The following BRD10 variants were observed in gnomAD, a reference collection of about 807,000 sequenced individuals.
BRD10 encodes the protein uncharacterized bromodomain-containing protein 10.
the BRD10 span, among the ~76,000 whole-genome samples, chr9:5,951,755 G>T: frequency 2.3e-4 from 35 of 152,132 alleles, no homozygotes; most frequent in East Asian, 6.2e-3. Flanking sequence ...GCATTTAACA[G>T]CAAAGTTTAC....
At chr9:5,895,325 G>T in the BRD10 span, among the ~76,000 whole-genome samples, 3 of 151,918 alleles carry the variant, frequency 2.0e-5, no homozygotes, top group East Asian at 5.8e-4. Flanking sequence ...AAAAGTCCCT[G>T]CCCCCATTGC....
chr9:5,935,707 A>C, the BRD10 span, among the ~76,000 whole-genome samples: 2 of 152,240 alleles, frequency 1.3e-5, no homozygotes, highest in Non-Finnish European at 2.9e-5. Context: ...GGGCATAAAA[A>C]GTTCCAAGTA....
At chr9:5,968,029 C>A in the BRD10 span, 3 of 1,514,866 alleles carry the variant, frequency 2.0e-6, no homozygotes, top group African/African-American at 2.8e-5. Flanking sequence ...CAGATTTGTG[C>A]TTCTTGTGTT....
the BRD10 span, among the ~76,000 whole-genome samples, chr9:5,991,938 C>G: frequency 6.6e-6 from 1 of 152,122 alleles, no homozygotes; most frequent in East Asian, 1.9e-4. Flanking sequence ...CTCAGTCATA[C>G]CAACACAACT....
At chr9:5,993,406 C>A in the BRD10 span, among the ~76,000 whole-genome samples, 1 of 151,262 alleles carries the variant, frequency 6.6e-6, no homozygotes, top group Non-Finnish European at 1.5e-5. Context: ...CAACTTTAGC[C>A]CTAAGGGTCC....
chr9:5,960,662 T>A, the BRD10 span, among the ~76,000 whole-genome samples: 1 of 152,196 alleles, frequency 6.6e-6, no homozygotes, highest in Non-Finnish European at 1.5e-5. Context: ...CACCATAAGC[T>A]TTTTGTAACT....
the BRD10 span, among the ~76,000 whole-genome samples, chr9:5,963,721 A>T: frequency 5.3e-4 from 81 of 152,172 alleles, no homozygotes; most frequent in Admixed American, 3.3e-4. Flanking sequence ...AGATCCATGG[A>T]ACAGAACAGA....
chr9:5,893,244 T>C, the BRD10 span, among the ~76,000 whole-genome samples: 22 of 152,272 alleles, frequency 1.4e-4, no homozygotes, highest in African/African-American at 5.3e-4. Flanking sequence ...TGCAGGGACA[T>C]ACTCTGTATG....
At chr9:5,906,628 C>G in the BRD10 span, among the ~76,000 whole-genome samples, 13 of 152,316 alleles carry the variant, frequency 8.5e-5, no homozygotes, top group Admixed American at 3.3e-4. Context: ...CTTTGACCAA[C>G]TATTGGGTCC....
chr9:5,919,583 C>CACACACACACA, the BRD10 span: 6 of 1,025,316 alleles, frequency 5.9e-6, no homozygotes, highest in African/African-American at 1.6e-5. Flanking sequence ...CACACACACA[C>CACACACACACA]AATGTATAGT....
At chr9:5,919,741 A>G in the BRD10 span, 3 of 1,613,468 alleles carry the variant, frequency 1.9e-6, no homozygotes, top group Non-Finnish European at 2.5e-6. Flanking sequence ...CAGGGAAGAC[A>G]GACGCAGGAC....
At chr9:5,881,351 T>C in the BRD10 span, among the ~76,000 whole-genome samples, 5 of 152,164 alleles carry the variant, frequency 3.3e-5, no homozygotes, top group Non-Finnish European at 7.4e-5. Context: ...TCTTGTGGGA[T>C]TGTAGAGTTG....
At chr9:5,887,340 TG>T in the BRD10 span, among the ~76,000 whole-genome samples, 1 of 152,200 alleles carries the variant, frequency 6.6e-6, no homozygotes, top group East Asian at 1.9e-4. Flanking sequence ...ATGCTGAGTC[TG>T]GTCCTGTAGC....
chr9:6,001,323 T>C, the BRD10 span, among the ~76,000 whole-genome samples: 4 of 152,042 alleles, frequency 2.6e-5, no homozygotes, highest in African/African-American at 9.7e-5. Context: ...GTTACTCCCT[T>C]AGTCGCAACC....
the BRD10 span, chr9:5,914,006 G>C: frequency 2.2e-6 from 1 of 452,768 alleles, no homozygotes; most frequent in Middle Eastern, 3.3e-4. Flanking sequence ...CATTTCCCAT[G>C]AGAAAAAATG....
chr9:5,920,953 T>G, the BRD10 span: 1 of 1,613,928 alleles, frequency 6.2e-7, no homozygotes, highest in Non-Finnish European at 8.5e-7. Flanking sequence ...TTCCACTGAC[T>G]AAAACAGGAG....
the BRD10 span, among the ~76,000 whole-genome samples, chr9:5,989,114 C>T: frequency 6.6e-6 from 1 of 151,580 alleles, no homozygotes; most frequent in Admixed American, 6.6e-5. Flanking sequence ...CCTGTAATTC[C>T]AGCTACTCGG....
chr9:5,897,881 A>G, the BRD10 span, among the ~76,000 whole-genome samples: 1 of 152,334 alleles, frequency 6.6e-6, no homozygotes, highest in Non-Finnish European at 1.5e-5. Flanking sequence ...CTGTGATTAT[A>G]ACATAATACG....
At chr9:5,940,249 A>G in the BRD10 span, among the ~76,000 whole-genome samples, 1 of 152,124 alleles carries the variant, frequency 6.6e-6, no homozygotes, top group African/African-American at 2.4e-5. Context: ...TCTTGAGCAC[A>G]GTGGTGCGAT....
Sources: allele counts gnomAD v4.1 joint callset (sites outside exome capture counted in the v4.1 genomes callset), GRCh38; gene constraint gnomAD v4.1.1; transcripts MANE v1.5; gene names NCBI Gene and HGNC (gene_info 2026-07-23, HGNC 2026-07-21).